The following SULT1C2 variants were observed in gnomAD, a reference collection of about 807,000 sequenced individuals.
The protein encoded by SULT1C2 is sulfotransferase 1C2.
In SULT1C2, 27 loss-of-function variants were observed where a neutral mutation model predicts 36.0. The observed-to-expected ratio is 0.75, with a 90% CI of 0.55 to 1.03. The LOEUF (loss-of-function observed/expected upper bound fraction) is 1.03, where lower values mean the gene tolerates loss of function less well. SULT1C2 is among the 50% of genes least tolerant of loss of function. The probability of loss-of-function intolerance (pLI) is 0.00; values close to 1 mark genes in which losing one functional copy is unlikely to be tolerated. For synonymous variants in SULT1C2, 121 were observed against 116.0 expected (o/e 1.04, Z -0.27); for missense variants, 395 against 359.2 (o/e 1.10, Z -0.80).
intron 1 of SULT1C2, among the ~76,000 whole-genome samples, chr2:108,289,708 G>A (rs1676544189): frequency 6.6e-6 from 1 of 152,142 alleles, no homozygotes; most frequent in African/African-American, 2.4e-5. Flanking sequence ...ACTCTCCAAG[G>A]GCAGGAACCA....
intron 5 of SULT1C2, 136 bp from the exon 6 acceptor site, chr2:108,305,036 A>G: frequency 2.0e-6 from 2 of 980,548 alleles, no homozygotes; most frequent in Non-Finnish European, 3.0e-6. Flanking sequence ...AAAATCAAAC[A>G]GATCAGAACC....
chr2:108,303,500 T>G (rs1206327092), intron 4 of SULT1C2: 1 of 152,296 alleles, frequency 6.6e-6, no homozygotes, highest in Non-Finnish European at 1.5e-5. Context: ...AGTGGTCTGG[T>G]ATCTGACCCT....
At chr2:108,290,395 C>G (rs1156319090) in intron 1 of SULT1C2, among the ~76,000 whole-genome samples, 1 of 152,210 alleles carries the variant, frequency 6.6e-6, no homozygotes, top group African/African-American at 2.4e-5. Flanking sequence ...AATACAGCCA[C>G]ATGCTAATAT....
At chr2:108,306,869 G>A (rs1033911627) in intron 7 of SULT1C2, among the ~76,000 whole-genome samples, 17 of 152,072 alleles carry the variant, frequency 1.1e-4, no homozygotes, top group African/African-American at 4.1e-4. Context: ...TCATGCCACT[G>A]TACTCCAGCC....
chr2:108,290,752 C>T (rs1271394655), intron 1 of SULT1C2, among the ~76,000 whole-genome samples: 4 of 152,198 alleles, frequency 2.6e-5, no homozygotes, highest in South Asian at 4.1e-4. Flanking sequence ...TCTCACAAGA[C>T]CCCGTGTCCT....
At chr2:108,289,596 G>A (rs550009362) in intron 1 of SULT1C2, among the ~76,000 whole-genome samples, 1 of 152,346 alleles carries the variant, frequency 6.6e-6, no homozygotes, top group South Asian at 2.1e-4. Context: ...TGTTTACAGA[G>A]TCAGGGATGC....
At chr2:108,300,754 G>A (rs1205561995) in intron 3 of SULT1C2, 84 bp from the exon 4 acceptor site, 3 of 1,538,048 alleles carry the variant, frequency 2.0e-6, no homozygotes, top group Non-Finnish European at 1.8e-6. Context: ...GTGGGTGATG[G>A]GATGTCCTGG....
chr2:108,306,542 T>A (rs1418752681), intron 7 of SULT1C2, among the ~76,000 whole-genome samples: 4 of 152,188 alleles, frequency 2.6e-5, no homozygotes, highest in African/African-American at 9.7e-5. Flanking sequence ...ATTTTGAGAA[T>A]GCAGTGAGCT....
chr2:108,289,995 AGCT>A (rs1030091551), intron 1 of SULT1C2, among the ~76,000 whole-genome samples: 25 of 152,298 alleles, frequency 1.6e-4, no homozygotes, highest in African/African-American at 5.8e-4. Flanking sequence ...ACATGTTCAC[AGCT>A]GTGCCCAGGC....
intron 3 of SULT1C2, chr2:108,300,457 A>C (rs556149248): frequency 3.3e-6 from 1 of 304,260 alleles, no homozygotes; most frequent in South Asian, 1.5e-4. Flanking sequence ...AAGTGATTGC[A>C]AACAGGCCGG....
chr2:108,304,806 G>A lies in SULT1C2; in HGVS notation c.502+106G>A, dbSNP rs1676981360. 40 of 1,459,292 alleles carry A rather than the reference G, an allele frequency of 2.7e-5. 1 individual carries two copies. The South Asian group carries it at 3.3e-4, about 12-fold the overall frequency. The allele number at this position is 1,459,292 out of a possible 1,614,324, so 90.4% of individuals were successfully genotyped here. A position where few individuals can be genotyped will look rare whatever the true frequency, so the allele number is the denominator to read the frequency against. On this transcript the variant is annotated intron_variant, in intron 5 of 7. Transcript: ENST00000251481. ...CTAGAATGCCTGTACTTCATCAGGTGTGTCCTACCACAGACTGGGACTGGG... is the reference window on the plus strand; with the variant it reads ...CTAGAATGCCTGTACTTCATCAGGTATGTCCTACCACAGACTGGGACTGGG...
At chr2:108,295,682 A>G (rs1676707314) in intron 3 of SULT1C2, among the ~76,000 whole-genome samples, 2 of 152,192 alleles carry the variant, frequency 1.3e-5, no homozygotes, top group Non-Finnish European at 2.9e-5. Flanking sequence ...TATAGGTAAA[A>G]AGCTTGAAGC....
At chr2:108,296,530 C>T (rs1676734289) in intron 3 of SULT1C2, among the ~76,000 whole-genome samples, 1 of 151,938 alleles carries the variant, frequency 6.6e-6, no homozygotes, top group South Asian at 2.1e-4. Context: ...TGGCTCACTG[C>T]AACCTCTGCC....
chr2:108,294,834 G>A (rs954000290), intron 3 of SULT1C2, among the ~76,000 whole-genome samples: 4 of 152,134 alleles, frequency 2.6e-5, no homozygotes, highest in African/African-American at 9.7e-5. Context: ...CTGTTCAACA[G>A]AGAAGACTTT....
chr2:108,309,407 A>G lies in SULT1C2; in HGVS notation c.*943A>G, dbSNP rs1677101510. The G allele has an allele frequency of 6.6e-6, 1 of 152,226 alleles. No individual in the cohort carries two copies. The highest frequency in any genetic ancestry group is 1.5e-5 in the Non-Finnish European group (1 of 68,046). 9.4% of individuals were successfully genotyped at this position (152,226 alleles called of 1,614,324 possible). ...TAGTACCTAATGCAGTGCCTGGCAC[A>G]CAGCAAGTGCCCTTGAGAACTTGTA... On this transcript the variant is annotated 3_prime_UTR_variant, in exon 8 of 8. Transcript: ENST00000251481.
intron 3 of SULT1C2, chr2:108,298,768 GT>G (rs1034850422): frequency 3.6e-5 from 8 of 224,292 alleles, no homozygotes; most frequent in South Asian, 8.4e-5. Flanking sequence ...TCTTCCACCT[GT>G]TTTTTTTCTA....
chr2:108,309,445 A>G lies in SULT1C2; in HGVS notation c.*981A>G, dbSNP rs1466527531. ...TTGAGAACTTGTAGAGGGAGTAAAA[A>G]AGTGCATGGATAAATGACTGCAGCA... On this transcript the variant is annotated 3_prime_UTR_variant, in exon 8 of 8. Coordinates refer to ENST00000251481, the MANE Select transcript of SULT1C2 (RefSeq NM_001056.4). The G allele has an allele frequency of 6.6e-6, 1 of 152,256 alleles. No individual in the cohort carries two copies. Among genetic ancestry groups the G allele is most frequent in the African/African-American group, 2.4e-5 (1 of 41,468 alleles). The allele number at this position is 152,256 out of a possible 1,614,324, so 9.4% of individuals were successfully genotyped here.
intron 1 of SULT1C2, among the ~76,000 whole-genome samples, chr2:108,292,409 C>G (rs1676615730): frequency 6.7e-6 from 1 of 149,424 alleles, no homozygotes; most frequent in Non-Finnish European, 1.5e-5. Context: ...CACACACACA[C>G]ACACACACAC....
intron 7 of SULT1C2, among the ~76,000 whole-genome samples, chr2:108,307,998 A>C (rs1300327533): frequency 1.3e-5 from 2 of 152,214 alleles, no homozygotes; most frequent in Non-Finnish European, 2.9e-5. Flanking sequence ...TCTTTTGCTC[A>C]ACATAATGTT....
Sources: allele counts gnomAD v4.1 joint callset (sites outside exome capture counted in the v4.1 genomes callset), GRCh38; gene constraint gnomAD v4.1.1; transcripts MANE v1.5; gene names NCBI Gene and HGNC (gene_info 2026-07-23, HGNC 2026-07-21).